NKAIN3: variants seen among roughly 807,000 people sequenced by gnomAD.
The protein encoded by NKAIN3 is sodium/potassium transporting ATPase interacting 3, also known as sodium/potassium-transporting ATPase subunit beta-1-interacting protein 3.
NKAIN3 carries 25 observed loss-of-function variants against 30.2 expected under a neutral mutation model. That is an observed-to-expected ratio of 0.83 (90% CI 0.60 to 1.16). The LOEUF is 1.16. NKAIN3 is among the 50% of genes most tolerant of loss of function. The pLI is 0.00. For missense variants in NKAIN3, 225 were observed against 254.1 expected (o/e 0.89, Z 0.78); for synonymous variants, 91 against 89.6 (o/e 1.02, Z -0.09).
intron 1 of NKAIN3, among the ~76,000 whole-genome samples, chr8:62,520,130 C>A (rs1808111355): frequency 6.6e-6 from 1 of 152,096 alleles, no homozygotes; most frequent in South Asian, 2.1e-4. Flanking sequence ...TTGTAGCAAG[C>A]TGGAGTTCTG....
At chr8:62,949,267 T>C (rs1347193187) in intron 5 of NKAIN3, among the ~76,000 whole-genome samples, 1 of 152,192 alleles carries the variant, frequency 6.6e-6, no homozygotes, top group East Asian at 1.9e-4. Flanking sequence ...CATGGCTGAG[T>C]GGGGACCTGA....
intron 1 of NKAIN3, among the ~76,000 whole-genome samples, chr8:62,281,585 C>T (rs960793466): frequency 6.6e-6 from 1 of 152,106 alleles, no homozygotes; most frequent in Non-Finnish European, 1.5e-5. Flanking sequence ...TCTTTGTTCT[C>T]ATTGGTTTCA....
chr8:62,658,760 T>C (rs1369947468), intron 3 of NKAIN3, among the ~76,000 whole-genome samples: 1 of 152,212 alleles, frequency 6.6e-6, no homozygotes, highest in Non-Finnish European at 1.5e-5. Context: ...GTAAAACTAT[T>C]CCTTGTAACT....
Position 62,795,950 on chromosome 8 carries a change from C to T in NKAIN3, c.471+48821C>T, listed in dbSNP as rs530139035. Among the ~76,000 whole-genome samples the T allele has an allele frequency of 9.1e-4, 139 of 152,204 alleles. 1 individual carries two copies. Among genetic ancestry groups the T allele is most frequent in the Middle Eastern group, 6.8e-3 (2 of 294 alleles). On this transcript the variant is annotated intron_variant, in intron 4 of 6. Coordinates refer to ENST00000623646, the MANE Select transcript of NKAIN3 (RefSeq NM_001304533.3). ...AATCTGTATAAATCCACCAAATATC[C>T]AGATCCCAACCAAGCCTCAAAACCT...
At chr8:62,546,149 A>G (rs1809004642) in intron 1 of NKAIN3, among the ~76,000 whole-genome samples, 1 of 152,162 alleles carries the variant, frequency 6.6e-6, no homozygotes, top group Non-Finnish European at 1.5e-5. Context: ...CATTGCTTCC[A>G]GGGCTTGTCT....
At chr8:62,373,594 G>A (rs1816976393) in intron 1 of NKAIN3, among the ~76,000 whole-genome samples, 1 of 152,166 alleles carries the variant, frequency 6.6e-6, no homozygotes, top group African/African-American at 2.4e-5. Context: ...GTCTCATGAA[G>A]ATTTTTATAG....
At chr8:62,606,158 T>C (rs1236167589) in intron 3 of NKAIN3, among the ~76,000 whole-genome samples, 3 of 152,078 alleles carry the variant, frequency 2.0e-5, no homozygotes, top group South Asian at 2.1e-4. Flanking sequence ...GGCAAGCACA[T>C]ATTAAAGAGA....
intron 1 of NKAIN3, among the ~76,000 whole-genome samples, chr8:62,344,070 G>T (rs1293832002): frequency 2.0e-5 from 3 of 152,034 alleles, no homozygotes; most frequent in African/African-American, 7.2e-5. Flanking sequence ...GTTTGGATTG[G>T]TTGTTGAGAT....
rs1015696820 is a variant in NKAIN3 at position 62,977,093 on chromosome 8, T to G, written c.*11686T>G. 6.6e-6 allele frequency among the ~76,000 whole-genome samples: 1 copy of G among 152,176 alleles called. No individual in the cohort carries two copies. Among genetic ancestry groups the G allele is most frequent in the African/African-American group, 2.4e-5 (1 of 41,448 alleles). ...GCTTCCCTTTGTAGGTAACCCAACT[T>G]TTCTCTCTGGCTGCCCTTAACATTT... On this transcript the variant is annotated 3_prime_UTR_variant, in exon 7 of 7. Coordinates refer to ENST00000623646, the MANE Select transcript of NKAIN3 (RefSeq NM_001304533.3).
chr8:62,422,102 A>G (rs1804659091), intron 1 of NKAIN3, among the ~76,000 whole-genome samples: 1 of 152,082 alleles, frequency 6.6e-6, no homozygotes, highest in Non-Finnish European at 1.5e-5. Flanking sequence ...ATAAACTAAA[A>G]TATGTCAAGT....
intron 3 of NKAIN3, among the ~76,000 whole-genome samples, chr8:62,697,347 G>A (rs1814193443): frequency 6.6e-6 from 1 of 152,106 alleles, no homozygotes; most frequent in South Asian, 2.1e-4. Context: ...CCTGCCTCAG[G>A]GCCTTTGCAT....
intron 5 of NKAIN3, among the ~76,000 whole-genome samples, chr8:62,948,567 C>T (rs192671803): frequency 6.6e-6 from 1 of 152,162 alleles, no homozygotes; most frequent in Non-Finnish European, 1.5e-5. Flanking sequence ...AGTGGAAACA[C>T]AGGCATCTAT....
intron 5 of NKAIN3, among the ~76,000 whole-genome samples, chr8:62,920,223 A>T (rs1228358839): frequency 6.6e-6 from 1 of 152,220 alleles, no homozygotes; most frequent in Non-Finnish European, 1.5e-5. Context: ...TCCTAGCTGA[A>T]TCTCTTACAA....
At chr8:62,517,131 T>A (rs1208454083) in intron 1 of NKAIN3, among the ~76,000 whole-genome samples, 2 of 152,078 alleles carry the variant, frequency 1.3e-5, no homozygotes, top group African/African-American at 4.8e-5. Context: ...TAAATTATAA[T>A]TTTTTTTCTC....
At chr8:62,692,914 A>T (rs1814027408) in intron 3 of NKAIN3, among the ~76,000 whole-genome samples, 3 of 152,144 alleles carry the variant, frequency 2.0e-5, no homozygotes, top group Admixed American at 1.3e-4. Context: ...GTTCTAACTT[A>T]ACTTGTTTCA....
Position 62,744,692 on chromosome 8 carries a change from G to A in NKAIN3, c.274-2240G>A, listed in dbSNP as rs189341928. Among the ~76,000 whole-genome samples the A allele has an allele frequency of 6.0e-3, 910 of 152,314 alleles. 9 individuals carry two copies. The highest frequency in any genetic ancestry group is 0.02 in the African/African-American group (838 of 41,574). The stretch of plus-strand genomic sequence containing the variant: ...GGAGCAATCAGTGTGCATCTCTGAT[G>A]TTTGTGTGCAGGTAAATTGCCTTGC... On this transcript the variant is annotated intron_variant, in intron 3 of 6. Coordinates refer to ENST00000623646, the MANE Select transcript of NKAIN3 (RefSeq NM_001304533.3).
At chr8:62,873,603 G>A (rs566152620) in intron 4 of NKAIN3, among the ~76,000 whole-genome samples, 2 of 151,258 alleles carry the variant, frequency 1.3e-5, no homozygotes, top group South Asian at 4.2e-4. Context: ...ACATTCCTAA[G>A]CAAATGTAAA....
rs1752338459 is a variant in NKAIN3 at position 62,320,853 on chromosome 8, GTGTT to G, written c.54+71728_54+71731del. ...AAGGAGTATCCTTGTGGCATTCTCTGTGTTTCCTGAGTTTGAATGTTGGCCTGCC... is the reference window on the plus strand; with the variant it reads ...AAGGAGTATCCTTGTGGCATTCTCTGTCCTGAGTTTGAATGTTGGCCTGCC... On this transcript the variant is annotated intron_variant, in intron 1 of 6. Transcript: ENST00000623646. Among the ~76,000 whole-genome samples the G allele has an allele frequency of 2.0e-5, 3 of 152,238 alleles. No individual in the cohort carries two copies. In the South Asian group the frequency reaches 6.2e-4, roughly 32 times the overall value.
intron 3 of NKAIN3, among the ~76,000 whole-genome samples, chr8:62,707,406 T>C (rs1814566788): frequency 6.6e-6 from 1 of 152,174 alleles, no homozygotes; most frequent in Non-Finnish European, 1.5e-5. Context: ...TTTTGATTTT[T>C]TGATTATGGC....
Sources: gnomAD v4.1 joint callset for allele counts (sites outside exome capture counted in the v4.1 genomes callset) on GRCh38, gnomAD v4.1.1 for gene constraint, MANE v1.5 for transcripts, NCBI Gene and HGNC (gene_info 2026-07-23, HGNC 2026-07-21) for gene names.